Variants in KCNJ6 observed in about 807,000 individuals in gnomAD.
KCNJ6 encodes the protein potassium inwardly rectifying channel subfamily J member 6, also known as G protein-activated inward rectifier potassium channel 2.
In KCNJ6, 9 loss-of-function variants were observed where a neutral mutation model predicts 34.2. That is an observed-to-expected ratio of 0.26 (90% confidence interval 0.16 to 0.46). The LOEUF (loss-of-function observed/expected upper bound fraction) is 0.46, where lower values mean the gene tolerates loss of function less well. KCNJ6 is among the 20% of genes least tolerant of loss of function. KCNJ6 has a pLI of 1.00. For synonymous variants in KCNJ6, 196 were observed against 207.1 expected (o/e 0.95, Z 0.46); for missense variants, 236 against 531.3 (o/e 0.44, Z 5.46).
At chr21:37,673,406 C>G (rs1177416787) in intron 3 of KCNJ6, among the ~76,000 whole-genome samples, 1 of 152,266 alleles carries the variant, frequency 6.6e-6, no homozygotes. Flanking sequence ...CTGTTTCTTT[C>G]CAGGAGCCGG....
chr21:37,869,294 G>T (rs2055638532), intron 1 of KCNJ6, among the ~76,000 whole-genome samples: 1 of 152,220 alleles, frequency 6.6e-6, no homozygotes, highest in African/African-American at 2.4e-5. Context: ...ATACACTACT[G>T]GCTAACAGTT....
At chr21:37,685,959 T>G (rs188775164) in intron 3 of KCNJ6, among the ~76,000 whole-genome samples, 5 of 152,210 alleles carry the variant, frequency 3.3e-5, no homozygotes, top group Admixed American at 2.0e-4. Context: ...AATAGGAATA[T>G]GTATGAATAC....
At chr21:37,768,436 A>G (rs542992831) in intron 2 of KCNJ6, among the ~76,000 whole-genome samples, 89 of 152,338 alleles carry the variant, frequency 5.8e-4, no homozygotes, top group African/African-American at 2.1e-3. Context: ...TTACCAAATT[A>G]TCCAACTAAA....
chr21:37,678,568 C>T (rs926706981), intron 3 of KCNJ6, among the ~76,000 whole-genome samples: 1 of 152,142 alleles, frequency 6.6e-6, no homozygotes, highest in Admixed American at 6.5e-5. Context: ...GGGAAGGAGC[C>T]TGGAGGAGAG....
At chr21:37,830,424 C>T (rs145641531) in intron 2 of KCNJ6, among the ~76,000 whole-genome samples, 32 of 152,250 alleles carry the variant, frequency 2.1e-4, no homozygotes, top group African/African-American at 7.0e-4. Context: ...CAACTACTCC[C>T]CTGGGGGTGA....
At chr21:37,838,685 G>T (rs1213281593) in intron 2 of KCNJ6, among the ~76,000 whole-genome samples, 2 of 152,198 alleles carry the variant, frequency 1.3e-5, no homozygotes, top group Non-Finnish European at 2.9e-5. Flanking sequence ...TGATGGCACT[G>T]GCCACATTCT....
chr21:37,897,238 C>A (rs749806098), intron 1 of KCNJ6, among the ~76,000 whole-genome samples: 1 of 152,202 alleles, frequency 6.6e-6, no homozygotes, highest in South Asian at 2.1e-4. Context: ...CCCATTGGTG[C>A]GTGGACTCCT....
intron 2 of KCNJ6, among the ~76,000 whole-genome samples, chr21:37,744,115 G>A (rs2054954668): frequency 7.4e-6 from 1 of 134,766 alleles, no homozygotes; most frequent in South Asian, 2.4e-4. Context: ...TGAACAATGA[G>A]AACACATGGA....
At chr21:37,859,385 C>T (rs1195331228) in intron 1 of KCNJ6, among the ~76,000 whole-genome samples, 3 of 150,420 alleles carry the variant, frequency 2.0e-5, no homozygotes, top group African/African-American at 7.3e-5. Flanking sequence ...GAAGGATACA[C>T]AAGAAACTCA....
In KCNJ6 at chr21:37,715,143, GAGAAA is replaced by G. The variant is rs780340987; in HGVS notation, c.26-17_26-13del. The G allele has an allele frequency of 1.9e-6, 3 of 1,598,942 alleles. No homozygotes were observed. Among genetic ancestry groups the G allele is most frequent in the East Asian group, 2.2e-5 (1 of 44,720 alleles). Reference sequence around the variant, plus strand: ...CTCCAGGACGTTAGCTGGTGGTTTGGAGAAAAGAAAAGAAACACTGAATGAAAGGC... The same window carrying G: ...CTCCAGGACGTTAGCTGGTGGTTTGGAGAAAAGAAACACTGAATGAAAGGC... On this transcript the variant is annotated splice_polypyrimidine_tract_variant and intron_variant, in intron 2 of 3. Coordinates refer to ENST00000609713, the MANE Select transcript of KCNJ6 (RefSeq NM_002240.5).
intron 2 of KCNJ6, among the ~76,000 whole-genome samples, chr21:37,837,057 T>C (rs1204952146): frequency 6.6e-6 from 1 of 152,056 alleles, no homozygotes; most frequent in African/African-American, 2.4e-5. Context: ...CTTTGCTCCT[T>C]GTAATTCTGT....
chr21:37,836,635 G>A (rs547331763), intron 2 of KCNJ6, among the ~76,000 whole-genome samples: 93 of 152,186 alleles, frequency 6.1e-4, no homozygotes, highest in Non-Finnish European at 1.0e-3. Flanking sequence ...AAACTAACAC[G>A]AGAACGGGAA....
At chr21:37,836,670 A>G (rs1177476524) in intron 2 of KCNJ6, among the ~76,000 whole-genome samples, 1 of 152,148 alleles carries the variant, frequency 6.6e-6, no homozygotes, top group Admixed American at 6.5e-5. Context: ...GTTCTCACTC[A>G]TAGGTGGAAG....
At chr21:37,858,546 T>A (rs2055577230) in intron 1 of KCNJ6, among the ~76,000 whole-genome samples, 1 of 151,828 alleles carries the variant, frequency 6.6e-6, no homozygotes, top group African/African-American at 2.4e-5. Flanking sequence ...AAAGAAATAA[T>A]TTTACAGGCA....
chr21:37,897,894 AC>A (rs2123641854), intron 1 of KCNJ6, among the ~76,000 whole-genome samples: 1 of 152,330 alleles, frequency 6.6e-6, no homozygotes, highest in South Asian at 2.1e-4. Flanking sequence ...GTGGGATCCA[AC>A]CCCTATTTGC....
intron 3 of KCNJ6, among the ~76,000 whole-genome samples, chr21:37,672,579 T>G (rs928367233): frequency 2.0e-5 from 3 of 152,074 alleles, no homozygotes; most frequent in Admixed American, 2.0e-4. Flanking sequence ...TCTTTTTACT[T>G]GAAAATGTTA....
chr21:37,678,575 A>G (rs2054577361), intron 3 of KCNJ6, among the ~76,000 whole-genome samples: 1 of 152,184 alleles, frequency 6.6e-6, no homozygotes, highest in African/African-American at 2.4e-5. Context: ...AGCCTGGAGG[A>G]GAGGACTACC....
intron 2 of KCNJ6, among the ~76,000 whole-genome samples, chr21:37,795,515 C>T (rs1057246405): frequency 2.0e-4 from 31 of 152,196 alleles, no homozygotes; most frequent in South Asian, 1.7e-3. Context: ...AAGGCCGAGG[C>T]AGGTGGATCA....
At chr21:37,801,488 A>T (rs1018964502) in intron 2 of KCNJ6, among the ~76,000 whole-genome samples, 4 of 152,214 alleles carry the variant, frequency 2.6e-5, no homozygotes, top group Non-Finnish European at 5.9e-5. Flanking sequence ...TTTGTGTGCC[A>T]GTCTCCCTCC....
Sources: gnomAD v4.1 joint callset for allele counts (sites outside exome capture counted in the v4.1 genomes callset) on GRCh38, gnomAD v4.1.1 for gene constraint, MANE v1.5 for transcripts, NCBI Gene and HGNC (gene_info 2026-07-23, HGNC 2026-07-21) for gene names.